JAZF1: variants seen among roughly 807,000 people sequenced by gnomAD.
The protein encoded by JAZF1 is JAZF zinc finger 1, also known as juxtaposed with another zinc finger protein 1.
A neutral mutation model predicts 26.4 loss-of-function variants in JAZF1; 8 were observed. The observed-to-expected ratio is 0.30, with a 90% confidence interval of 0.18 to 0.55. The LOEUF (loss-of-function observed/expected upper bound fraction) is 0.55, where lower values mean the gene tolerates loss of function less well. Ranked by LOEUF, JAZF1 falls within the 20% of genes least tolerant of loss-of-function variation. The pLI, the probability that JAZF1 is intolerant of heterozygous loss-of-function variation, is 0.94. For missense variants in JAZF1, 199 were observed against 322.0 expected (o/e 0.62, Z 2.92); for synonymous variants, 126 against 122.3 (o/e 1.03, Z -0.20).
At chr7:27,979,911 T>C (rs1785548657) in intron 2 of JAZF1, among the ~76,000 whole-genome samples, 1 of 152,212 alleles carries the variant, frequency 6.6e-6, no homozygotes, top group South Asian at 2.1e-4. Flanking sequence ...ATCTATCATA[T>C]AGGAATTACT....
intron 1 of JAZF1, among the ~76,000 whole-genome samples, chr7:28,108,306 G>A (rs1482437308): frequency 1.3e-5 from 2 of 152,104 alleles, no homozygotes; most frequent in Admixed American, 1.3e-4. Flanking sequence ...TTCCAGCAAT[G>A]CCAAATTCAT....
chr7:28,004,246 A>C (rs764132077), intron 1 of JAZF1, among the ~76,000 whole-genome samples: 10 of 152,162 alleles, frequency 6.6e-5, no homozygotes, highest in Non-Finnish European at 1.3e-4. Flanking sequence ...TTCCCAAGCT[A>C]AGAAGAAACA....
chr7:27,832,775 T>C lies in JAZF1; in HGVS notation c.*25A>G, dbSNP rs1271544894. ...AAATCAGCAACTGCTGGTGAGGATT[T>C]CTTGGCACAGTTATGACCAGCATGT... On this transcript the variant is annotated 3_prime_UTR_variant, in exon 5 of 5. Transcript: ENST00000283928. The C allele has an allele frequency of 2.1e-6, 3 of 1,456,610 alleles. No individual in the cohort carries two copies. 90.2% of individuals were successfully genotyped at this position (1,456,610 alleles called of 1,614,324 possible).
intron 1 of JAZF1, among the ~76,000 whole-genome samples, chr7:28,149,908 C>T (rs1583586551): frequency 1.3e-5 from 2 of 152,212 alleles, no homozygotes; most frequent in African/African-American, 2.4e-5. Context: ...TGGAAAGTCC[C>T]TTCTGGCAGG....
chr7:28,141,727 A>G (rs1045701596), intron 1 of JAZF1, among the ~76,000 whole-genome samples: 2 of 152,234 alleles, frequency 1.3e-5, no homozygotes, highest in African/African-American at 4.8e-5. Context: ...TGCTTGACAG[A>G]TACTTTACAT....
chr7:27,949,433 C>G (rs923971156), intron 2 of JAZF1, among the ~76,000 whole-genome samples: 1 of 152,148 alleles, frequency 6.6e-6, no homozygotes, highest in Non-Finnish European at 1.5e-5. Flanking sequence ...AAACTACAAG[C>G]AGGGAAGTGT....
chr7:28,015,033 A>ATATG (rs1554282104), intron 1 of JAZF1, among the ~76,000 whole-genome samples: 8 of 140,780 alleles, frequency 5.7e-5, no homozygotes, highest in African/African-American at 1.7e-4. Context: ...GAAAGTGTGT[A>ATATG]TGTGTGTGTG....
At chr7:28,061,607 T>C (rs1403221455) in intron 1 of JAZF1, among the ~76,000 whole-genome samples, 1 of 152,178 alleles carries the variant, frequency 6.6e-6, no homozygotes, top group African/African-American at 2.4e-5. Flanking sequence ...AGCATGTTAA[T>C]AGCAAAAAGA....
At chr7:28,003,748 A>C (rs1321573568) in intron 1 of JAZF1, among the ~76,000 whole-genome samples, 1 of 152,102 alleles carries the variant, frequency 6.6e-6, no homozygotes, top group African/African-American at 2.4e-5. Context: ...ATCATGCATC[A>C]CATTTACCTG....
At chr7:28,047,724 T>A (rs1279024469) in intron 1 of JAZF1, among the ~76,000 whole-genome samples, 12 of 152,182 alleles carry the variant, frequency 7.9e-5, no homozygotes, top group Admixed American at 7.9e-4. Flanking sequence ...GATGATCATA[T>A]GGATTCTGGC....
rs34830661 is a variant in JAZF1, at chr7:28,073,979, T to TA, written c.116-81999dup. ...TGCTTGAAAAAAAAGTTTACTTAGT[T>TA]AAAAAAAAAAAAATCAGAGGTGAGG... On this transcript the variant is annotated intron_variant, in intron 1 of 4. Coordinates refer to ENST00000283928, the MANE Select transcript of JAZF1 (RefSeq NM_175061.4). Among the ~76,000 whole-genome samples, 474 of 148,398 alleles carry TA rather than the reference T, an allele frequency of 3.2e-3. 1 individual carries two copies. Among genetic ancestry groups the TA allele is most frequent in the African/African-American group, 0.01 (415 of 40,326 alleles).
intron 1 of JAZF1, among the ~76,000 whole-genome samples, chr7:27,996,087 G>A (rs1786009635): frequency 6.6e-6 from 1 of 152,190 alleles, no homozygotes; most frequent in East Asian, 1.9e-4. Context: ...CTGAAGAATT[G>A]CCTTTTGCAG....
chr7:28,082,849 G>A (rs1784157900), intron 1 of JAZF1, among the ~76,000 whole-genome samples: 1 of 152,088 alleles, frequency 6.6e-6, no homozygotes, highest in Non-Finnish European at 1.5e-5. Flanking sequence ...GCTCCACAAG[G>A]TAGCCAGGGC....
At chr7:28,093,164 C>T (rs1422429076) in intron 1 of JAZF1, among the ~76,000 whole-genome samples, 1 of 152,144 alleles carries the variant, frequency 6.6e-6, no homozygotes, top group Admixed American at 6.5e-5. Context: ...TTGGCTGTAT[C>T]CCCACCCAAA....
chr7:27,966,706 T>C (rs1398014656), intron 2 of JAZF1, among the ~76,000 whole-genome samples: 1 of 152,238 alleles, frequency 6.6e-6, no homozygotes, highest in Non-Finnish European at 1.5e-5. Flanking sequence ...AGGTTTTCTT[T>C]TTCATGCTTT....
intron 3 of JAZF1, among the ~76,000 whole-genome samples, chr7:27,855,907 C>G (rs947559947): frequency 6.6e-6 from 1 of 152,080 alleles, no homozygotes; most frequent in Admixed American, 6.5e-5. Flanking sequence ...AGAGACACAA[C>G]AAAAAAAGAA....
At chr7:27,933,651 T>C (rs1784720027) in intron 2 of JAZF1, among the ~76,000 whole-genome samples, 1 of 152,196 alleles carries the variant, frequency 6.6e-6, no homozygotes. Context: ...TTGTTGCTTG[T>C]GGATATACTG....
At chr7:27,833,652 C>A (rs7797980) in intron 4 of JAZF1, among the ~76,000 whole-genome samples, 2,552 of 152,258 alleles carry the variant, frequency 0.017, 36 homozygotes, top group South Asian at 0.069. Context: ...TCCAAACATA[C>A]AATGAACTTT....
chr7:28,170,134 AG>A (rs1289892764), intron 1 of JAZF1, among the ~76,000 whole-genome samples: 1 of 152,176 alleles, frequency 6.6e-6, no homozygotes, highest in East Asian at 1.9e-4. Flanking sequence ...TTTAAAATAA[AG>A]TACATGAGCT....
Sources: gnomAD v4.1 joint callset for allele counts (sites outside exome capture counted in the v4.1 genomes callset) on GRCh38, gnomAD v4.1.1 for gene constraint, MANE v1.5 for transcripts, NCBI Gene and HGNC (gene_info 2026-07-23, HGNC 2026-07-21) for gene names.